The following TBCK variants were observed in gnomAD, a reference collection of about 807,000 sequenced individuals.
TBCK encodes TBC domain-containing protein kinase-like protein.
A neutral mutation model predicts 113.4 loss-of-function variants in TBCK; 99 were observed. The observed-to-expected ratio is 0.87, with a 90% CI of 0.74 to 1.03. The LOEUF (loss-of-function observed/expected upper bound fraction) is 1.03. Among genes scored for constraint, TBCK ranks in the 50% least tolerant of loss-of-function variants. The probability of loss-of-function intolerance (pLI) is 0.00; values close to 1 mark genes in which losing one functional copy is unlikely to be tolerated. For missense variants in TBCK, 1,045 were observed against 1,061.3 expected (o/e 0.98, Z 0.21); for synonymous variants, 369 against 370.8 (o/e 1.00, Z 0.05).
chr4:106,310,649 T>C (rs773283611), intron 1 of TBCK: 3 of 152,214 alleles, frequency 2.0e-5, no homozygotes, highest in South Asian at 2.1e-4. Context: ...AAGATTTGGC[T>C]GTTCACCCAG....
chr4:106,233,566 C>T (rs1243592749), intron 16 of TBCK, 22 bp downstream of exon 16: 1 of 1,597,240 alleles, frequency 6.3e-7, no homozygotes, highest in Non-Finnish European at 8.6e-7. Context: ...TCTTAGGTTG[C>T]TTAAGAAAAC....
chr4:106,237,054 C>A (rs1425518398), intron 12 of TBCK, among the ~76,000 whole-genome samples: 2 of 151,868 alleles, frequency 1.3e-5, no homozygotes, highest in Non-Finnish European at 2.9e-5. Flanking sequence ...AAATGTTAGA[C>A]ACTTATCATG....
intron 23 of TBCK, among the ~76,000 whole-genome samples, chr4:106,152,032 G>A (rs1748552742): frequency 6.6e-6 from 1 of 151,740 alleles, no homozygotes; most frequent in African/African-American, 2.4e-5. Context: ...CTTCAAACAA[G>A]GATAATTTGA....
At chr4:106,226,810 C>T (rs1047434785) in intron 19 of TBCK, among the ~76,000 whole-genome samples, 1 of 151,974 alleles carries the variant, frequency 6.6e-6, no homozygotes, top group Non-Finnish European at 1.5e-5. Context: ...TGAAAGAGTA[C>T]ACTATCAATT....
chr4:106,142,848 C>A (rs944402227), intron 23 of TBCK, among the ~76,000 whole-genome samples: 1 of 152,094 alleles, frequency 6.6e-6, no homozygotes, highest in Non-Finnish European at 1.5e-5. Flanking sequence ...TGTCTCAAAT[C>A]AATACTGAGT....
intron 12 of TBCK, among the ~76,000 whole-genome samples, chr4:106,238,373 G>A (rs1481141003): frequency 1.3e-5 from 2 of 152,024 alleles, no homozygotes; most frequent in Non-Finnish European, 1.5e-5. Context: ...ATATTAAATG[G>A]TTAGATAAGC....
Position 106,285,500 on chromosome 4 carries a change from G to T in TBCK, c.266+9594C>A, listed in dbSNP as rs188272308. On this transcript the variant is annotated intron_variant, in intron 3 of 25. Coordinates refer to ENST00000394708, the MANE Select transcript of TBCK (RefSeq NM_001163435.3). The stretch of plus-strand genomic sequence containing the variant: ...GAAAAAAAGTCAGCAAATTGACACA[G>T]ACTCTTCTCTAAATTCCTAGTTTTC... 3.9e-5 allele frequency among the ~76,000 whole-genome samples: 6 copies of T among 152,168 alleles called. No individual in the cohort carries two copies. The East Asian group carries it at 1.2e-3, about 29-fold the overall frequency.
intron 16 of TBCK, 49 bp from the exon 17 acceptor site, chr4:106,233,113 C>A: frequency 6.5e-7 from 1 of 1,537,400 alleles, no homozygotes; most frequent in Non-Finnish European, 8.9e-7. Flanking sequence ...GTGTAATCAG[C>A]AATAAACCCT....
At chr4:106,190,117 T>A (rs1357739882) in intron 22 of TBCK, among the ~76,000 whole-genome samples, 1 of 152,212 alleles carries the variant, frequency 6.6e-6, no homozygotes, top group Non-Finnish European at 1.5e-5. Flanking sequence ...CTGGCTATAA[T>A]AAGCTATTTG....
In TBCK at chr4:106,224,670, T is replaced by C. The variant is rs192081243; in HGVS notation, c.1774+5693A>G. On this transcript the variant is annotated intron_variant, in intron 19 of 25. Transcript: ENST00000394708. The stretch of plus-strand genomic sequence containing the variant: ...TTCTATCAAACTTTAGTAACCAATA[T>C]ACAGTGTACTGTTTCAGCTCCTTCT... Among the ~76,000 whole-genome samples the C allele has an allele frequency of 2.6e-5, 4 of 152,302 alleles. No individual in the cohort carries two copies. The East Asian group carries it at 5.8e-4, about 22-fold the overall frequency.
intron 25 of TBCK, among the ~76,000 whole-genome samples, chr4:106,061,834 A>C (rs1736094414): frequency 6.6e-6 from 1 of 151,756 alleles, no homozygotes; most frequent in Non-Finnish European, 1.5e-5. Context: ...TAAAATGCAA[A>C]CTTGTCCCCA....
intron 24 of TBCK, among the ~76,000 whole-genome samples, chr4:106,111,112 C>T (rs974660792): frequency 4.6e-5 from 7 of 152,128 alleles, no homozygotes; most frequent in Non-Finnish European, 8.8e-5. Context: ...CTACCCCTAA[C>T]GTGGCTCTCT....
intron 12 of TBCK, among the ~76,000 whole-genome samples, chr4:106,238,046 T>A (rs895087897): frequency 6.6e-6 from 1 of 152,094 alleles, no homozygotes; most frequent in Non-Finnish European, 1.5e-5. Context: ...AGAAGAGTAT[T>A]TTAAATTTCA....
chr4:106,081,708 C>T (rs1281638848), intron 25 of TBCK, among the ~76,000 whole-genome samples: 1 of 152,010 alleles, frequency 6.6e-6, no homozygotes, highest in East Asian at 1.9e-4. Context: ...AACTATGCCT[C>T]CAACAAAGGT....
At chr4:106,080,402 T>C (rs1738713091) in intron 25 of TBCK, among the ~76,000 whole-genome samples, 1 of 151,982 alleles carries the variant, frequency 6.6e-6, no homozygotes, top group Admixed American at 6.6e-5. Flanking sequence ...TTTGACAAAG[T>C]CAACTATAAT....
In TBCK at chr4:106,041,612, T is replaced by C. The variant is rs1012336079; in HGVS notation, c.*4958A>G. 6.6e-6 allele frequency: 1 copy of C among 152,168 alleles called. No individual in the cohort carries two copies. Among genetic ancestry groups the C allele is most frequent in the Non-Finnish European group, 1.5e-5 (1 of 68,024 alleles). 9.4% of individuals were successfully genotyped at this position (152,168 alleles called of 1,614,324 possible). ...TAGAACAGAACAGTATTTAGAACTGTTTATTAGAACAGATCAGTATTATTA... is the reference window on the plus strand; with the variant it reads ...TAGAACAGAACAGTATTTAGAACTGCTTATTAGAACAGATCAGTATTATTA... On this transcript the variant is annotated 3_prime_UTR_variant, in exon 26 of 26. Coordinates refer to ENST00000394708, the MANE Select transcript of TBCK (RefSeq NM_001163435.3).
chr4:106,046,432 A>T lies in TBCK; in HGVS notation c.*138T>A, dbSNP rs2149438464. ...CTGAACATGTGGGTTATGAGATTTT[A>T]AAAAATGTCTCGTGACAAACTTTAC... On this transcript the variant is annotated 3_prime_UTR_variant, in exon 26 of 26. Coordinates refer to ENST00000394708, the MANE Select transcript of TBCK (RefSeq NM_001163435.3). 2 of 550,828 alleles carry T rather than the reference A, an allele frequency of 3.6e-6. No individual in the cohort carries two copies. Among genetic ancestry groups the T allele is most frequent in the African/African-American group, 3.9e-5 (2 of 51,834 alleles). 34.1% of individuals were successfully genotyped at this position (550,828 alleles called of 1,614,324 possible).
At chr4:106,235,550 A>T (rs1429431511) in intron 14 of TBCK, among the ~76,000 whole-genome samples, 183 bp from the exon 15 acceptor site, 1 of 152,006 alleles carries the variant, frequency 6.6e-6, no homozygotes, top group Non-Finnish European at 1.5e-5. Context: ...ATGAATCCCT[A>T]ACACCTTGAA....
Position 106,174,990 on chromosome 4 carries a change from G to A in TBCK, c.2060-3720C>T, listed in dbSNP as rs1248669496. Among the ~76,000 whole-genome samples the A allele has an allele frequency of 2.0e-5, 3 of 152,010 alleles. No homozygotes were observed. The East Asian group carries it at 5.8e-4, about 30-fold the overall frequency. Reference sequence around the variant, plus strand: ...AAAAATACAAAAATTAGCCAAATGTGGTGGAGTGCACCTGTAACCCCAGCT... The same window carrying A: ...AAAAATACAAAAATTAGCCAAATGTAGTGGAGTGCACCTGTAACCCCAGCT... On this transcript the variant is annotated intron_variant, in intron 22 of 25. Coordinates refer to ENST00000394708, the MANE Select transcript of TBCK (RefSeq NM_001163435.3).
Sources: allele counts gnomAD v4.1 joint callset (sites outside exome capture counted in the v4.1 genomes callset), GRCh38; gene constraint gnomAD v4.1.1; transcripts MANE v1.5; gene names NCBI Gene and HGNC (gene_info 2026-07-23, HGNC 2026-07-21).